MMUT: variants seen among roughly 807,000 people sequenced by gnomAD.
MMUT encodes the protein methylmalonyl-CoA mutase.
A neutral mutation model predicts 79.9 loss-of-function variants in MMUT; 79 were observed. That is an observed-to-expected ratio of 0.99 (90% CI 0.82 to 1.19). The LOEUF is 1.19. Ranked by LOEUF, MMUT falls within the 50% of genes most tolerant of loss-of-function variation. MMUT has a pLI of 0.00. For missense variants in MMUT, 860 were observed against 917.2 expected, an observed-to-expected ratio of 0.94 and a Z score of 0.81; for synonymous variants, 273 against 295.7, an observed-to-expected ratio of 0.92 and a Z score of 0.79.
intron 9 of MMUT, 100 bp downstream of exon 9, chr6:49,444,539 C>T: frequency 1.1e-6 from 1 of 923,644 alleles, no homozygotes; most frequent in Non-Finnish European, 1.8e-6. Context: ...CTTTTGGGCT[C>T]ACATGGTTTA....
intron 9 of MMUT, among the ~76,000 whole-genome samples, chr6:49,442,695 C>T (rs185312350): frequency 5.7e-4 from 86 of 152,094 alleles, no homozygotes; most frequent in Non-Finnish European, 8.8e-5. Context: ...CCCAAGGGAA[C>T]ATAAAACAGT....
intron 12 of MMUT, among the ~76,000 whole-genome samples, chr6:49,434,049 AT>A (rs985516234): frequency 6.7e-5 from 10 of 150,008 alleles, no homozygotes; most frequent in East Asian, 5.8e-4. Context: ...TATAACAGGC[AT>A]TTTTTTTTTC....
At chr6:49,450,624 T>G (rs1246469082) in intron 6 of MMUT, among the ~76,000 whole-genome samples, 1 of 152,308 alleles carries the variant, frequency 6.6e-6, no homozygotes, top group East Asian at 1.9e-4. Context: ...CTTATGAATT[T>G]CCTGAATGGA....
intron 5 of MMUT, 52 bp downstream of exon 5, chr6:49,453,533 A>ATAT (rs1452085486): frequency 9.8e-7 from 1 of 1,021,564 alleles, no homozygotes; most frequent in African/African-American, 1.7e-5. Flanking sequence ...GCTCAGAAAA[A>ATAT]ATATATATAT....
chr6:49,436,895 T>C (rs1767145379), intron 11 of MMUT, among the ~76,000 whole-genome samples: 1 of 151,916 alleles, frequency 6.6e-6, no homozygotes, highest in South Asian at 2.1e-4. Context: ...TGAGAACACA[T>C]GGACACAAAC....
chr6:49,450,366 A>G (rs1234747919), intron 6 of MMUT, among the ~76,000 whole-genome samples: 1 of 152,064 alleles, frequency 6.6e-6, no homozygotes, highest in Non-Finnish European at 1.5e-5. Flanking sequence ...GAAATAATAC[A>G]AGAAAATTTC....
intron 5 of MMUT, among the ~76,000 whole-genome samples, chr6:49,453,247 G>A (rs1489113289): frequency 6.6e-6 from 1 of 151,782 alleles, no homozygotes; most frequent in East Asian, 1.9e-4. Flanking sequence ...TGCCAGGTTG[G>A]CCAGGCTGGG....
At chr6:49,434,320 A>G (rs935103764) in intron 12 of MMUT, among the ~76,000 whole-genome samples, 17 of 152,232 alleles carry the variant, frequency 1.1e-4, no homozygotes, top group Non-Finnish European at 1.9e-4. Flanking sequence ...GAAAGAAAAT[A>G]AATATGTAGT....
rs199933641 is a variant in MMUT, at chr6:49,431,694, T to C, written c.*34A>G. On this transcript the variant is annotated 3_prime_UTR_variant, in exon 13 of 13. Transcript: ENST00000274813. The stretch of plus-strand genomic sequence containing the variant: ...TCTTCTTTGATCATAACTAAAATAA[T>C]ATTTTAGACAAAAGCTAAAACAAAA... 5.8e-4 allele frequency: 924 copies of C among 1,595,810 alleles called. 8 individuals are homozygous for C. The African/African-American group carries it at 0.011, about 19-fold the overall frequency.
chr6:49,460,555 C>A (rs1305208629), intron 1 of MMUT, among the ~76,000 whole-genome samples: 1 of 152,268 alleles, frequency 6.6e-6, no homozygotes, highest in Middle Eastern at 3.4e-3. Flanking sequence ...GAAACTGAGG[C>A]TCAGAGAAAT....
At chr6:49,455,021 G>C (rs182240895) in intron 4 of MMUT, among the ~76,000 whole-genome samples, 1 of 152,170 alleles carries the variant, frequency 6.6e-6, no homozygotes, top group Non-Finnish European at 1.5e-5. Context: ...ACTCCAGCAT[G>C]TGCAACAGAG....
chr6:49,432,126 CCTGA>C (rs1324816249), intron 12 of MMUT, among the ~76,000 whole-genome samples: 1 of 152,062 alleles, frequency 6.6e-6, no homozygotes, highest in African/African-American at 2.4e-5. Flanking sequence ...AGCTGGATAT[CCTGA>C]CTGAGAACTT....
chr6:49,452,224 T>C lies in MMUT; in HGVS notation c.1084-510A>G, dbSNP rs183154232. ...GTCATTGGATCTCTCTGAACTTCAG[T>C]TTCTTTAGCTGAAAAAATAAGCAGG... is the stretch of plus-strand genomic sequence containing the variant. On this transcript the variant is annotated intron_variant, in intron 5 of 12. Coordinates refer to ENST00000274813, the MANE Select transcript of MMUT (RefSeq NM_000255.4). Among the ~76,000 whole-genome samples, 14 of 152,340 alleles carry C rather than the reference T, an allele frequency of 9.2e-5. No individual in the cohort carries two copies. In the East Asian group the frequency reaches 2.7e-3, roughly 29 times the overall value.
At chr6:49,436,041 T>C (rs1274873864) in intron 11 of MMUT, among the ~76,000 whole-genome samples, 1 of 146,588 alleles carries the variant, frequency 6.8e-6, no homozygotes, top group Non-Finnish European at 1.5e-5. Context: ...AAATCACTGA[T>C]TGTTAGAGAA....
chr6:49,441,098 G>C (rs1034092129), intron 10 of MMUT, among the ~76,000 whole-genome samples: 1 of 152,022 alleles, frequency 6.6e-6, no homozygotes, highest in African/African-American at 2.4e-5. Flanking sequence ...TGGCTGTTTT[G>C]ATATTTATCT....
intron 8 of MMUT, among the ~76,000 whole-genome samples, chr6:49,445,923 AAAAT>A (rs1200549667): frequency 6.6e-6 from 1 of 152,050 alleles, no homozygotes; most frequent in Non-Finnish European, 1.5e-5. Context: ...ATTTAAGAGA[AAAAT>A]AAAGTAAATC....
intron 8 of MMUT, among the ~76,000 whole-genome samples, chr6:49,446,866 T>C (rs867637003): frequency 2.0e-5 from 3 of 151,460 alleles, no homozygotes; most frequent in African/African-American, 4.8e-5. Context: ...TTTTTATAGA[T>C]TGAACTAAAA....
chr6:49,461,835 G>A (rs1767855220), intron 1 of MMUT, among the ~76,000 whole-genome samples: 1 of 151,958 alleles, frequency 6.6e-6, no homozygotes, highest in African/African-American at 2.4e-5. Flanking sequence ...AAATCCATGG[G>A]GTCCTTGTCA....
At chr6:49,453,023 TTTTC>T (rs982068335) in intron 5 of MMUT, among the ~76,000 whole-genome samples, 7 of 148,986 alleles carry the variant, frequency 4.7e-5, no homozygotes, top group Non-Finnish European at 8.9e-5. Flanking sequence ...TCAAATTCTG[TTTTC>T]TTTCTTTCTT....
Sources: gnomAD v4.1 joint callset for allele counts (sites outside exome capture counted in the v4.1 genomes callset) on GRCh38, gnomAD v4.1.1 for gene constraint, MANE v1.5 for transcripts, NCBI Gene and HGNC (gene_info 2026-07-23, HGNC 2026-07-21) for gene names.